FBXL22: variants seen among roughly 807,000 people sequenced by gnomAD.
FBXL22 encodes F-box and leucine rich repeat protein 22, also known as F-box and leucine-rich protein 22.
FBXL22 carries 13 observed loss-of-function variants against 11.7 expected under a neutral mutation model. The ratio of observed to expected loss-of-function variants is 1.11; its 90% CI spans 0.73 to 1.77. The LOEUF is 1.77. FBXL22 is among the 40% of genes most tolerant of loss of function. The probability of loss-of-function intolerance (pLI) is 0.00; values close to 1 mark genes in which losing one functional copy is unlikely to be tolerated. For missense variants in FBXL22, 406 were observed against 320.4 expected, an observed-to-expected ratio of 1.27 and a Z score of -2.04; for synonymous variants, 160 against 144.1, an observed-to-expected ratio of 1.11 and a Z score of -0.79.
In FBXL22 at chr15:63,597,730, T is replaced by C. The variant is rs769736483; in HGVS notation, c.338T>C (p.Leu113Pro). The change falls in exon 1 of 2, where the codon CTC becomes CCC. Residue 113 changes from leucine to proline, a missense_variant. Physicochemically the swap from Leu to Pro is moderately conservative, Grantham distance 98. Coordinates refer to ENST00000638704, the MANE Select transcript of FBXL22 (RefSeq NM_001367807.1). This position sits in a 1 kb window ranked among gnomAD's most constrained non-coding sequence, Gnocchi z 4.3. ...RHESLVNDFL[L>P]RVCDRCPNLA... ...GAGAGCCTGGTCAATGATTTCCTCC[T>C]CCGGGTGTGCGACAGGTAGGCCACC... 1 of 1,584,024 alleles carries C rather than the reference T, an allele frequency of 6.3e-7. No homozygotes were observed. Among genetic ancestry groups the C allele is most frequent in the Non-Finnish European group, 8.6e-7 (1 of 1,161,452 alleles).
At chr15:63,599,642 C>T (rs1044643313) in intron 1 of FBXL22, 9 of 989,302 alleles carry the variant, frequency 9.1e-6, no homozygotes, top group Non-Finnish European at 1.1e-5. Context: ...TACTTCCCTC[C>T]CCTGGCACAA....
intron 1 of FBXL22, chr15:63,599,919 G>A (rs1471684079): frequency 6.1e-6 from 6 of 985,674 alleles, no homozygotes; most frequent in Non-Finnish European, 7.2e-6. Context: ...CAGAGGAAAT[G>A]AAGGCTCCGT....
Position 63,597,832 on chromosome 15 carries a change from A to C in FBXL22, c.353+87A>C. 7.7e-7 allele frequency: 1 copy of C among 1,304,556 alleles called. No individual in the cohort carries two copies. Among genetic ancestry groups the C allele is most frequent in the Non-Finnish European group, 1.0e-6 (1 of 967,892 alleles). 80.8% of individuals were successfully genotyped at this position (1,304,556 alleles called of 1,614,324 possible). ...GCAGGGAAGAGCAAATTACGAGACC[A>C]AGATGGCTCCACCTTCGGGGCGCCT... On this transcript the variant is annotated intron_variant, in intron 1 of 1. Transcript: ENST00000638704. The surrounding 1 kb of genome is among the most constrained non-coding windows in gnomAD (Gnocchi z 4.3).
At chr15:63,598,498 C>T (rs2067309808) in intron 1 of FBXL22, among the ~76,000 whole-genome samples, 1 of 152,216 alleles carries the variant, frequency 6.6e-6, no homozygotes, top group Non-Finnish European at 1.5e-5. Context: ...GCCAGGCTCC[C>T]TCCATGGTCC....
In FBXL22 at chr15:63,600,829, C is replaced by T; in HGVS notation, c.486C>T (p.Arg162=). The change falls in exon 2 of 2, where the codon CGC becomes CGT. Residue 162 remains arginine (R), a synonymous_variant. Coordinates refer to ENST00000638704, the MANE Select transcript of FBXL22 (RefSeq NM_001367807.1). The stretch of plus-strand genomic sequence containing the variant: ...AGAACTGCGCGCGCGTCACCAACCG[C>T]ACGTTGGCTGCCGTGGCGGCGGACG... ...RLENCARVTN[R]TLAAVAADGR... is the part of the protein sequence containing the mutation. 1 of 1,230,714 alleles carries T rather than the reference C, an allele frequency of 8.1e-7. No homozygotes were observed. Among genetic ancestry groups the T allele is most frequent in the Non-Finnish European group, 1.0e-6 (1 of 987,280 alleles). The allele number at this position is 1,230,714 out of a possible 1,614,324, so 76.2% of individuals were successfully genotyped here. A position where few individuals can be genotyped will look rare whatever the true frequency, so the allele number is the denominator to read the frequency against.
intron 1 of FBXL22, among the ~76,000 whole-genome samples, chr15:63,598,307 G>A (rs1159665685): frequency 4.6e-5 from 7 of 152,184 alleles, no homozygotes; most frequent in East Asian, 3.8e-4. Flanking sequence ...GATGCTCCAC[G>A]AGGTGGTATG....
At chr15:63,598,361 C>T (rs2067306926) in intron 1 of FBXL22, among the ~76,000 whole-genome samples, 2 of 152,166 alleles carry the variant, frequency 1.3e-5, no homozygotes, top group Non-Finnish European at 2.9e-5. Context: ...AATATATAGG[C>T]TGCCCAGTTA....
chr15:63,599,234 A>C, intron 1 of FBXL22: 1 of 1,535,348 alleles, frequency 6.5e-7, no homozygotes, highest in Non-Finnish European at 8.7e-7. Flanking sequence ...TTCTTCTGGC[A>C]CTCAGCTCAG....
Position 63,600,954 on chromosome 15 carries a change from C to T in FBXL22, c.611C>T (p.Ala204Val). 5.9e-6 allele frequency: 7 copies of T among 1,196,258 alleles called. No homozygotes were observed. The highest frequency in any genetic ancestry group is 7.3e-6 in the Non-Finnish European group (7 of 965,226). The allele number at this position is 1,196,258 out of a possible 1,614,324, so 74.1% of individuals were successfully genotyped here. A position where few individuals can be genotyped will look rare whatever the true frequency, so the allele number is the denominator to read the frequency against. Reference protein sequence around the residue: ...RAACPRLALRAEHSAAMLPDQ... With the variant: ...RAACPRLALRVEHSAAMLPDQ... ...GCGTGCCCGCGCCTGGCCCTGCGGG[C>T]AGAGCACAGCGCCGCCATGCTGCCC... The change falls in exon 2 of 2, where the codon GCA (alanine) becomes GTA (valine). Residue 204 changes from alanine (A) to valine (V), a missense_variant. Coordinates refer to ENST00000638704, the MANE Select transcript of FBXL22 (RefSeq NM_001367807.1).
intron 1 of FBXL22, 162 bp from the exon 2 acceptor site, chr15:63,600,535 G>A: frequency 1.6e-6 from 2 of 1,229,076 alleles, no homozygotes; most frequent in Non-Finnish European, 2.0e-6. Context: ...AAAATGGGCC[G>A]GCCAGAAAGC....
chr15:63,598,633 C>T (rs1049234902), intron 1 of FBXL22, among the ~76,000 whole-genome samples: 4 of 152,210 alleles, frequency 2.6e-5, no homozygotes, highest in African/African-American at 4.8e-5. Context: ...AACAAACTGG[C>T]CCTGGCTGTT....
intron 1 of FBXL22, chr15:63,599,354 C>T: frequency 7.0e-7 from 1 of 1,437,990 alleles, no homozygotes; most frequent in African/African-American, 1.4e-5. Flanking sequence ...CACCCAACAC[C>T]TTTGAGGCTT....
At chr15:63,601,349 G>T (rs776304424), downstream of FBXL22, 21 of 1,603,836 alleles carry the variant, frequency 1.3e-5, no homozygotes, top group East Asian at 2.2e-5. Context: ...CCGTCCTCGG[G>T]GACTCCGATC....
At chr15:63,599,437 G>C (rs1402109030) in intron 1 of FBXL22, 8 of 1,351,602 alleles carry the variant, frequency 5.9e-6, no homozygotes, top group Admixed American at 3.4e-5. Flanking sequence ...GTGACGCCCA[G>C]CAAGGTTCAG....
At chr15:63,601,261 A>C (rs545686131), downstream of FBXL22, 8 of 1,534,878 alleles carry the variant, frequency 5.2e-6, no homozygotes, top group Admixed American at 2.1e-5. Context: ...TTCTCACTCA[A>C]CACCACCGCC....
At chr15:63,603,904 G>A (rs757006531), downstream of FBXL22, among the ~76,000 whole-genome samples, 5 of 152,216 alleles carry the variant, frequency 3.3e-5, no homozygotes, top group South Asian at 2.1e-4. Context: ...CTGGAGAGGC[G>A]TTGTTGGGAA....
downstream of FBXL22, among the ~76,000 whole-genome samples, chr15:63,605,502 G>C (rs1247500010): frequency 1.3e-5 from 2 of 152,206 alleles, no homozygotes; most frequent in Admixed American, 6.5e-5. Context: ...ACCCTTTGTG[G>C]CAGACAGAGC....
At chr15:63,601,277 C>A, downstream of FBXL22, 1 of 1,558,988 alleles carries the variant, frequency 6.4e-7, no homozygotes, top group Non-Finnish European at 8.6e-7. Context: ...CCGCCTTTCC[C>A]CTCTTGCTTC....
intron 1 of FBXL22, among the ~76,000 whole-genome samples, chr15:63,598,899 G>T (rs901793014): frequency 1.3e-5 from 2 of 152,192 alleles, no homozygotes; most frequent in South Asian, 2.1e-4. Flanking sequence ...AACATGTCCT[G>T]AAGTTGTTCC....
Sources: gnomAD v4.1 joint callset for allele counts (sites outside exome capture counted in the v4.1 genomes callset) on GRCh38, gnomAD v4.1.1 for gene constraint, Gnocchi (gnomAD v3.1) non-coding constraint, MANE v1.5 for transcripts, NCBI Gene and HGNC (gene_info 2026-07-23, HGNC 2026-07-21) for gene names.